SIPA1L3: variants seen among roughly 807,000 people sequenced by gnomAD.
SIPA1L3 encodes the protein signal induced proliferation associated 1 like 3.
A neutral mutation model predicts 150.1 loss-of-function variants in SIPA1L3; 59 were observed. The observed-to-expected ratio is 0.39, with a 90% confidence interval of 0.32 to 0.49. The LOEUF is 0.49. SIPA1L3 is among the 20% of genes least tolerant of loss of function. The pLI, the probability that SIPA1L3 is intolerant of heterozygous loss-of-function variation, is 0.86. For missense variants in SIPA1L3, 2,211 were observed against 2,489.5 expected (o/e 0.89, Z 2.38); for synonymous variants, 1,070 against 1,077.6 (o/e 0.99, Z 0.14).
chr19:38,061,198 T>C (rs1969438530), intron 2 of SIPA1L3, among the ~76,000 whole-genome samples: 1 of 151,844 alleles, frequency 6.6e-6, no homozygotes, highest in South Asian at 2.1e-4. Flanking sequence ...GTGACTCTTT[T>C]ATTTAGCACA....
intron 1 of SIPA1L3, among the ~76,000 whole-genome samples, chr19:37,935,687 G>C (rs900685922): frequency 5.3e-5 from 8 of 152,192 alleles, no homozygotes; most frequent in African/African-American, 1.9e-4. Context: ...TCTGTCCATA[G>C]TCTTGGGACC....
intron 13 of SIPA1L3, among the ~76,000 whole-genome samples, chr19:38,157,160 A>G (rs567933339): frequency 1.3e-5 from 2 of 152,162 alleles, no homozygotes; most frequent in Non-Finnish European, 2.9e-5. Flanking sequence ...ACCTGTCTCA[A>G]TAAAATAAAA....
At chr19:38,179,126 G>A (rs573663787) in intron 15 of SIPA1L3, among the ~76,000 whole-genome samples, 1 of 152,266 alleles carries the variant, frequency 6.6e-6, no homozygotes, top group East Asian at 1.9e-4. Flanking sequence ...CTTCCTTACT[G>A]CCTTATACTG....
In SIPA1L3 at chr19:38,082,807, C is replaced by G; in HGVS notation, c.1242C>G (p.Asp414Glu). 2.5e-6 allele frequency: 4 copies of G among 1,613,632 alleles called. No individual in the cohort carries two copies. Among genetic ancestry groups the G allele is most frequent in the Non-Finnish European group, 3.4e-6 (4 of 1,179,918 alleles). ...DLNCKENLEQDLGDDNSNDLL... is the reference protein window; with the variant it reads ...DLNCKENLEQELGDDNSNDLL... ...ACTGCAAGGAGAACTTGGAGCAGGA[C>G]CTCGGCGATGACAACAGCAACGACC... Residue 414 changes from aspartate to glutamate, a missense_variant, in exon 3 of 22, where the codon GAC becomes GAG. Asp to Glu is a conservative substitution (Grantham distance 45). This residue lies in a region of SIPA1L3 where 587 missense variants were observed against 534.5 expected (regional missense o/e 1.10). Coordinates refer to ENST00000222345, the MANE Select transcript of SIPA1L3 (RefSeq NM_015073.3).
chr19:37,941,706 C>T (rs895173206), intron 1 of SIPA1L3, among the ~76,000 whole-genome samples: 2 of 152,140 alleles, frequency 1.3e-5, no homozygotes, highest in East Asian at 1.9e-4. Flanking sequence ...TTTCCCCTGT[C>T]GTGCATTGTC....
chr19:38,012,623 G>A (rs1459700575), intron 1 of SIPA1L3, among the ~76,000 whole-genome samples: 1 of 151,182 alleles, frequency 6.6e-6, no homozygotes, highest in Admixed American at 6.6e-5. Flanking sequence ...TCCATCCCCC[G>A]TCTTCTCCAG....
In SIPA1L3 at chr19:38,082,716, TCACGGCCTCGCGGGCC is replaced by T; in HGVS notation, c.1155_1170del (p.Arg388GlufsTer13). 6.2e-7 allele frequency: 1 copy of T among 1,611,298 alleles called. No homozygotes were observed. The highest frequency in any genetic ancestry group is 8.5e-7 in the Non-Finnish European group (1 of 1,179,198). On this transcript the variant is annotated frameshift_variant, in exon 3 of 22. Coordinates refer to ENST00000222345, the MANE Select transcript of SIPA1L3 (RefSeq NM_015073.3). LOFTEE classifies it high-confidence loss of function. ...TCCGCCGCCTCGGCCATGGCCTCCC[TCACGGCCTCGCGGGCC>T]CACAGCCTCGGAGGCCTGGACCCGG...
chr19:38,139,805 C>T lies in SIPA1L3; in HGVS notation c.3144-1379C>T, dbSNP rs184688041. ...AGATCCAGGCACTGGCAGGATAGGG[C>T]CTGGTCTTTCTACTTCCATGATGGG... On this transcript the variant is annotated intron_variant, in intron 10 of 21. Transcript: ENST00000222345. 9.9e-5 allele frequency among the ~76,000 whole-genome samples: 15 copies of T among 152,278 alleles called. No homozygotes were observed. In the East Asian group the frequency reaches 2.7e-3, roughly 27 times the overall value.
At chr19:38,007,247 GT>G (rs1967966673) in intron 1 of SIPA1L3, among the ~76,000 whole-genome samples, 2 of 152,234 alleles carry the variant, frequency 1.3e-5, no homozygotes, top group Non-Finnish European at 2.9e-5. Context: ...GAGGTCAGGA[GT>G]TCGAGACCAG....
chr19:38,027,066 CGG>C (rs1568508639), intron 1 of SIPA1L3, among the ~76,000 whole-genome samples: 1 of 152,096 alleles, frequency 6.6e-6, no homozygotes, highest in Admixed American at 6.6e-5. Flanking sequence ...CCAAGGTGGG[CGG>C]ATCGCTTGAG....
intron 16 of SIPA1L3, 134 bp from the exon 17 acceptor site, chr19:38,192,011 A>T: frequency 1.3e-6 from 1 of 743,732 alleles, no homozygotes; most frequent in Non-Finnish European, 2.2e-6. Context: ...CCTCTCTGCC[A>T]CGCGTTTGCT....
chr19:38,113,441 A>G (rs1049992717), intron 8 of SIPA1L3, among the ~76,000 whole-genome samples: 3 of 152,100 alleles, frequency 2.0e-5, no homozygotes, highest in African/African-American at 7.2e-5. Context: ...CAGCCTGGAC[A>G]ACATAGGGAG....
intron 1 of SIPA1L3, among the ~76,000 whole-genome samples, chr19:37,935,128 T>C (rs2046589375): frequency 6.6e-6 from 1 of 152,196 alleles, no homozygotes; most frequent in Non-Finnish European, 1.5e-5. Flanking sequence ...ATAGAAGATG[T>C]ATTTTTGGAG....
chr19:38,077,661 CTTTTTTTTTT>C (rs58788182), intron 2 of SIPA1L3, among the ~76,000 whole-genome samples: 6 of 64,324 alleles, frequency 9.3e-5, no homozygotes, highest in South Asian at 6.7e-4. Context: ...TTTTCTTTTT[CTTTTTTTTTT>C]TTTTTTTTTT....
chr19:37,953,562 G>A (rs576315305), intron 1 of SIPA1L3, among the ~76,000 whole-genome samples: 5 of 152,306 alleles, frequency 3.3e-5, no homozygotes, highest in South Asian at 4.1e-4. Flanking sequence ...GTGTGCATGC[G>A]TGCCAAACTT....
intron 1 of SIPA1L3, among the ~76,000 whole-genome samples, chr19:38,002,277 A>G (rs1434921118): frequency 6.6e-6 from 1 of 152,200 alleles, no homozygotes; most frequent in Non-Finnish European, 1.5e-5. Context: ...AGTGTCTCCT[A>G]TGAGTGGAAT....
intron 1 of SIPA1L3, among the ~76,000 whole-genome samples, chr19:37,962,174 A>G (rs946710431): frequency 7.0e-6 from 1 of 142,242 alleles, no homozygotes; most frequent in Non-Finnish European, 1.5e-5. Flanking sequence ...GACAGAGTCT[A>G]ACTCTGTTGC....
At chr19:38,202,601 A>G (rs1383646699) in intron 20 of SIPA1L3, among the ~76,000 whole-genome samples, 2 of 152,038 alleles carry the variant, frequency 1.3e-5, no homozygotes, top group Admixed American at 6.6e-5. Flanking sequence ...AAAAAGAAAA[A>G]AAGAAAGGAA....
chr19:37,971,051 T>G (rs78169586), intron 1 of SIPA1L3, among the ~76,000 whole-genome samples: 4 of 151,284 alleles, frequency 2.6e-5, no homozygotes, highest in African/African-American at 9.7e-5. Context: ...GGCAGTTGTG[T>G]TTTTTTTTGA....
Sources: gnomAD v4.1 joint callset for allele counts (sites outside exome capture counted in the v4.1 genomes callset) on GRCh38, gnomAD v4.1.1 for gene constraint, gnomAD v4.1.1 regional missense constraint, MANE v1.5 for transcripts, NCBI Gene and HGNC (gene_info 2026-07-23, HGNC 2026-07-21) for gene names.